RORA: variants seen among roughly 807,000 people sequenced by gnomAD.
RORA encodes the protein nuclear receptor ROR-alpha.
A neutral mutation model predicts 69.5 loss-of-function variants in RORA; 7 were observed. That is an observed-to-expected ratio of 0.10 (90% CI 0.06 to 0.19). RORA has a LOEUF of 0.19. RORA is among the 10% of genes least tolerant of loss of function. The probability of loss-of-function intolerance (pLI) is 1.00; values close to 1 mark genes in which losing one functional copy is unlikely to be tolerated. For synonymous variants in RORA, 261 were observed against 240.8 expected (o/e 1.08, Z -0.78); for missense variants, 457 against 663.0 (o/e 0.69, Z 3.41).
intron 1 of RORA, among the ~76,000 whole-genome samples, chr15:60,871,579 A>G (rs2073556555): frequency 6.6e-6 from 1 of 152,200 alleles, no homozygotes; most frequent in Admixed American, 6.5e-5. Context: ...TCAACCTAGG[A>G]GGGTTGATGA....
At position 61,128,346 on chromosome 15, in the gene RORA, A is replaced by C. The variant is rs1312834317; in HGVS notation, c.166+100707T>G. On this transcript the variant is annotated intron_variant, in intron 1 of 10. Transcript: ENST00000335670. The surrounding 1 kb of genome is among the most constrained non-coding windows in gnomAD (Gnocchi z 4.5). ...AACTGCAAATACAGAAAGAAAAAAAAAATCTAAACAGTATATAAACTTAAA... is the reference window on the plus strand; with the variant it reads ...AACTGCAAATACAGAAAGAAAAAAACAATCTAAACAGTATATAAACTTAAA... Among the ~76,000 whole-genome samples the C allele has an allele frequency of 3.3e-5, 5 of 152,218 alleles. No homozygotes were observed. The highest frequency in any genetic ancestry group is 7.3e-5 in the Non-Finnish European group (5 of 68,042).
chr15:61,122,544 C>T (rs2079112990), intron 1 of RORA, among the ~76,000 whole-genome samples: 1 of 152,132 alleles, frequency 6.6e-6, no homozygotes, highest in Non-Finnish European at 1.5e-5. Context: ...TTATATATGG[C>T]TGTATAACGT....
At chr15:60,894,860 A>C (rs1172078954) in intron 1 of RORA, among the ~76,000 whole-genome samples, 5 of 152,182 alleles carry the variant, frequency 3.3e-5, no homozygotes, top group Non-Finnish European at 7.3e-5. Flanking sequence ...CAACTTAAAC[A>C]TCCCTGCACA....
At chr15:61,106,937 G>A (rs1287841830) in intron 1 of RORA, among the ~76,000 whole-genome samples, 2 of 152,152 alleles carry the variant, frequency 1.3e-5, no homozygotes, top group Non-Finnish European at 2.9e-5. Context: ...CTTCCCTCAG[G>A]CCTATTTAAA....
intron 1 of RORA, among the ~76,000 whole-genome samples, chr15:61,121,222 A>G (rs555354058): frequency 6.6e-6 from 1 of 152,152 alleles, no homozygotes; most frequent in Non-Finnish European, 1.5e-5. Flanking sequence ...TATTTTACAG[A>G]TGAGGACATT....
chr15:60,601,186 G>C (rs1223492167), intron 2 of RORA: 2 of 152,164 alleles, frequency 1.3e-5, no homozygotes, highest in Non-Finnish European at 2.9e-5. Flanking sequence ...CAGAAATCAA[G>C]AAGTACTACC....
At chr15:60,678,957 C>T (rs1055722065) in intron 1 of RORA, among the ~76,000 whole-genome samples, 2 of 152,058 alleles carry the variant, frequency 1.3e-5, no homozygotes, top group African/African-American at 4.8e-5. Context: ...TTAAACAGGA[C>T]GCGAGGAGAC....
intron 1 of RORA, among the ~76,000 whole-genome samples, chr15:60,737,124 AG>A (rs1222646878): frequency 1.3e-5 from 2 of 152,094 alleles, no homozygotes; most frequent in African/African-American, 4.8e-5. Context: ...GCATCACTAG[AG>A]GGGATGCCAG....
intron 2 of RORA, among the ~76,000 whole-genome samples, chr15:60,540,715 T>C (rs1327042845): frequency 6.6e-6 from 1 of 152,220 alleles, no homozygotes; most frequent in Admixed American, 6.5e-5. Flanking sequence ...TCCGATGGCA[T>C]TCTGAAGATC....
intron 2 of RORA, among the ~76,000 whole-genome samples, chr15:60,588,445 T>TGTTCATCC (rs1415360474): frequency 1.0e-5 from 1 of 98,414 alleles, no homozygotes; most frequent in Non-Finnish European, 2.0e-5. Flanking sequence ...TCTGCAAATC[T>TGTTCATCC]ATTCATCCAT....
At chr15:61,164,428 T>C (rs1030159510) in intron 1 of RORA, among the ~76,000 whole-genome samples, 2 of 152,212 alleles carry the variant, frequency 1.3e-5, no homozygotes, top group Admixed American at 6.5e-5. Flanking sequence ...TCAGGTGTCA[T>C]TGCTTTTTTA....
chr15:60,655,077 C>T (rs994451096), intron 2 of RORA, among the ~76,000 whole-genome samples: 4 of 152,006 alleles, frequency 2.6e-5, no homozygotes, highest in Non-Finnish European at 5.9e-5. Flanking sequence ...ATGAGATGGA[C>T]TCGTAAAGTA....
chr15:61,083,789 C>G (rs1221978048), intron 1 of RORA, among the ~76,000 whole-genome samples: 1 of 151,782 alleles, frequency 6.6e-6, no homozygotes. Flanking sequence ...GCAAAACAAA[C>G]AGAAGATGGA....
intron 1 of RORA, among the ~76,000 whole-genome samples, chr15:60,966,557 TG>T (rs1425181902): frequency 2.0e-5 from 3 of 152,206 alleles, no homozygotes; most frequent in African/African-American, 7.2e-5. Flanking sequence ...ATCTGGCACA[TG>T]GTAGGAATGT....
chr15:60,739,581 A>AG (rs2071546736), intron 1 of RORA, among the ~76,000 whole-genome samples: 2 of 150,842 alleles, frequency 1.3e-5, no homozygotes, highest in Admixed American at 1.3e-4. Context: ...AAAAAAAAAA[A>AG]AGTTTTTTTT....
intron 1 of RORA, among the ~76,000 whole-genome samples, chr15:61,082,185 G>C (rs925803480): frequency 6.6e-6 from 1 of 152,068 alleles, no homozygotes; most frequent in Non-Finnish European, 1.5e-5. Flanking sequence ...TCAACCAAAC[G>C]CAGATCAAAA....
At chr15:60,970,287 A>G (rs1156498674) in intron 1 of RORA, among the ~76,000 whole-genome samples, 3 of 152,244 alleles carry the variant, frequency 2.0e-5, no homozygotes, top group Non-Finnish European at 4.4e-5. Context: ...CAAAGTACTC[A>G]GCATGCTCTC....
At chr15:60,718,050 T>G (rs1229306545) in intron 1 of RORA, among the ~76,000 whole-genome samples, 1 of 152,146 alleles carries the variant, frequency 6.6e-6, no homozygotes, top group Non-Finnish European at 1.5e-5. Context: ...CCACCCACCT[T>G]GGCCTCGCAC....
intron 1 of RORA, among the ~76,000 whole-genome samples, chr15:61,049,880 C>T (rs1189601901): frequency 2.0e-5 from 3 of 152,196 alleles, no homozygotes; most frequent in East Asian, 3.9e-4. Context: ...AGAATGGTCT[C>T]GAACTCCTGA....
Sources: gnomAD v4.1 joint callset for allele counts (sites outside exome capture counted in the v4.1 genomes callset) on GRCh38, gnomAD v4.1.1 for gene constraint, Gnocchi (gnomAD v3.1) non-coding constraint, MANE v1.5 for transcripts, NCBI Gene and HGNC (gene_info 2026-07-23, HGNC 2026-07-21) for gene names.